Variants in IDH2 observed in about 807,000 individuals in gnomAD.
IDH2 encodes isocitrate dehydrogenase [NADP], mitochondrial.
Under a neutral mutation model 50.5 loss-of-function variants are expected in IDH2, and 18 were observed. The observed-to-expected ratio is 0.36, with a 90% confidence interval of 0.25 to 0.53. The LOEUF (loss-of-function observed/expected upper bound fraction) is 0.53, where lower values mean the gene tolerates loss of function less well. IDH2 is among the 20% of genes least tolerant of loss of function. The pLI, the probability that IDH2 is intolerant of heterozygous loss-of-function variation, is 0.92. For missense variants in IDH2, 518 were observed against 610.7 expected (o/e 0.85, Z 1.60); for synonymous variants, 280 against 239.8 (o/e 1.17, Z -1.55).
At chr15:90,092,575 T>C (rs1901071340) in intron 1 of IDH2, among the ~76,000 whole-genome samples, 1 of 138,030 alleles carries the variant, frequency 7.2e-6, no homozygotes, top group African/African-American at 3.4e-5. Flanking sequence ...CCAGCTATTT[T>C]TAATTTTTTT....
At chr15:90,092,549 G>A (rs2151552382) in intron 1 of IDH2, among the ~76,000 whole-genome samples, 1 of 152,010 alleles carries the variant, frequency 6.6e-6, no homozygotes, top group East Asian at 1.9e-4. Flanking sequence ...GGGACTACAG[G>A]CGCATGCCAC....
rs1468183926 is a variant in IDH2 at position 90,087,236 on chromosome 15, A to G, written c.843T>C (p.Asn281=). Residue 281 remains asparagine, a synonymous_variant, in exon 7 of 11, where the codon AAT becomes AAC. Transcript: ENST00000330062. ...DKHYKTDFDK[N]KIWYEHRLID... is the part of the protein sequence containing the mutation. Reference sequence around the variant, plus strand: ...TGAGCCGGTGCTCATACCAGATCTTATTCTTGTCGAAGTCGGTCTTATAGT... The same window carrying G: ...TGAGCCGGTGCTCATACCAGATCTTGTTCTTGTCGAAGTCGGTCTTATAGT... The G allele has an allele frequency of 6.2e-7, 1 of 1,614,026 alleles. No homozygotes were observed. Among genetic ancestry groups the G allele is most frequent in the African/African-American group, 1.3e-5 (1 of 74,924 alleles).
chr15:90,088,003 G>A lies in IDH2; in HGVS notation c.678+356C>T, dbSNP rs368900250. ...TCATGTGACTCAGCCTGGCATTGGA[G>A]CTGGAACTGGGGATAAAGAGGCATT... On this transcript the variant is annotated intron_variant, in intron 5 of 10. Transcript: ENST00000330062. 5.9e-5 allele frequency among the ~76,000 whole-genome samples: 9 copies of A among 152,120 alleles called. No homozygotes were observed. In the East Asian group the frequency reaches 9.6e-4, roughly 16 times the overall value.
Position 90,083,814 on chromosome 15 carries a change from C to A in IDH2, c.*452G>T, listed in dbSNP as rs1439065417. 1.1e-5 allele frequency: 3 copies of A among 267,314 alleles called. No homozygotes were observed. Among genetic ancestry groups the A allele is most frequent in the Admixed American group, 4.9e-5 (1 of 20,540 alleles). The allele number at this position is 267,314 out of a possible 1,614,324, so 16.6% of individuals were successfully genotyped here. On this transcript the variant is annotated 3_prime_UTR_variant, in exon 11 of 11. Transcript: ENST00000330062. Reference sequence around the variant, plus strand: ...GAGTGTCCGAGAACTCCGCAGTGGGCCCCTGTGGAATGCGGGCTCCCAGGG... The same window carrying A: ...GAGTGTCCGAGAACTCCGCAGTGGGACCCTGTGGAATGCGGGCTCCCAGGG...
chr15:90,091,522 G>T (rs1179532022), intron 2 of IDH2, 31 bp downstream of exon 2: 12 of 1,562,910 alleles, frequency 7.7e-6, no homozygotes, highest in South Asian at 1.1e-5. Flanking sequence ...AGCCCACCTG[G>T]AGAGCCACCC....
At chr15:90,097,636 AAAGTAAAAAGGTGG>A (rs1177625793) in intron 1 of IDH2, among the ~76,000 whole-genome samples, 8 of 152,036 alleles carry the variant, frequency 5.3e-5, no homozygotes, top group Admixed American at 5.3e-4. Context: ...ATAGAAACAG[AAAGTAAAAAGGTGG>A]CTGCCAGGGA....
At chr15:90,096,655 C>T (rs1901188395) in intron 1 of IDH2, among the ~76,000 whole-genome samples, 1 of 152,122 alleles carries the variant, frequency 6.6e-6, no homozygotes, top group Admixed American at 6.5e-5. Context: ...TGGCTCGCAC[C>T]TGTAATCCCA....
chr15:90,085,236 G>A lies in IDH2; in HGVS notation c.1080+39C>T, dbSNP rs548976610. On this transcript the variant is annotated intron_variant, in intron 8 of 10. Transcript: ENST00000330062. The surrounding 1 kb of genome is among the most constrained non-coding windows in gnomAD (Gnocchi z 5.5). ...AGCCCAGTGGGCTTTAGGCCCCTGGGGTAGAGGGGCATTGTGAGGCCCCAT... is the reference window on the plus strand; with the variant it reads ...AGCCCAGTGGGCTTTAGGCCCCTGGAGTAGAGGGGCATTGTGAGGCCCCAT... The A allele has an allele frequency of 9.4e-5, 143 of 1,515,156 alleles. No individual in the cohort carries two copies. In the South Asian group the frequency reaches 1.5e-3, roughly 16 times the overall value. The allele number at this position is 1,515,156 out of a possible 1,614,324, so 93.9% of individuals were successfully genotyped here.
At position 90,084,150 on chromosome 15, in the gene IDH2, AC is replaced by A. The variant is rs780288726; in HGVS notation, c.*115del. The A allele has an allele frequency of 6.3e-5, 48 of 759,208 alleles. No homozygotes were observed. The highest frequency in any genetic ancestry group is 1.1e-4 in the Admixed American group (5 of 46,206). The allele number at this position is 759,208 out of a possible 1,614,324, so 47.0% of individuals were successfully genotyped here. On this transcript the variant is annotated 3_prime_UTR_variant, in exon 11 of 11. Transcript: ENST00000330062. The surrounding 1 kb of genome is among the most constrained non-coding windows in gnomAD (Gnocchi z 5.0). The stretch of plus-strand genomic sequence containing the variant: ...TTAAAAACATCTGGCTTATAAAAAA[AC>A]ATCCCCTAGAAAGGCCTCCAGAGAG...
intron 1 of IDH2, among the ~76,000 whole-genome samples, chr15:90,099,451 C>T (rs1335434157): frequency 6.6e-6 from 1 of 152,174 alleles, no homozygotes; most frequent in Non-Finnish European, 1.5e-5. Flanking sequence ...TTGCCTGTTT[C>T]TCCTTAGCTC....
At chr15:90,087,777 G>T in intron 5 of IDH2, among the ~76,000 whole-genome samples, 1 of 130,052 alleles carries the variant, frequency 7.7e-6, no homozygotes, top group African/African-American at 3.0e-5. Context: ...GTAAAACACC[G>T]CCTTTTTTTT....
intron 3 of IDH2, 49 bp downstream of exon 3, chr15:90,090,430 G>A (rs773502456): frequency 2.5e-6 from 4 of 1,601,302 alleles, no homozygotes; most frequent in South Asian, 2.2e-5. Flanking sequence ...GAGGCCGGTG[G>A]GAGAAGCCTG....
At chr15:90,090,842 G>A (rs1054311960) in intron 2 of IDH2, among the ~76,000 whole-genome samples, 198 bp from the exon 3 acceptor site, 1 of 152,202 alleles carries the variant, frequency 6.6e-6, no homozygotes, top group African/African-American at 2.4e-5. Context: ...GGCAGAGGCT[G>A]GGGCTTTGGA....
At chr15:90,096,906 A>G (rs1480796712) in intron 1 of IDH2, among the ~76,000 whole-genome samples, 1 of 151,302 alleles carries the variant, frequency 6.6e-6, no homozygotes, top group Admixed American at 6.6e-5. Flanking sequence ...AGAGAGCAAG[A>G]CTCCGTCTCG....
Position 90,084,934 on chromosome 15 carries a change from C to T in IDH2, c.1179-26G>A, listed in dbSNP as rs372923849. 19 of 1,612,694 alleles carry T rather than the reference C, an allele frequency of 1.2e-5. No individual in the cohort carries two copies. Among genetic ancestry groups the T allele is most frequent in the Non-Finnish European group, 1.5e-5 (18 of 1,178,978 alleles). ...CTATGGGGATGGGGCAGAATGAGAC[C>T]CCATCTGTGCAAGGGCAGGACCCAG... On this transcript the variant is annotated intron_variant, in intron 9 of 10. Coordinates refer to ENST00000330062, the MANE Select transcript of IDH2 (RefSeq NM_002168.4). The surrounding 1 kb of genome is among the most constrained non-coding windows in gnomAD (Gnocchi z 5.0).
chr15:90,095,692 T>G (rs1238974088), intron 1 of IDH2, among the ~76,000 whole-genome samples: 3 of 152,140 alleles, frequency 2.0e-5, no homozygotes, highest in African/African-American at 7.2e-5. Context: ...ACTAAGCACT[T>G]ATCCAGTACC....
chr15:90,091,445 A>G (rs1901032851), intron 2 of IDH2, 108 bp downstream of exon 2: 11 of 772,454 alleles, frequency 1.4e-5, no homozygotes, highest in South Asian at 6.8e-5. Context: ...GCTGCCTACC[A>G]GGACAACGGG....
At position 90,087,239 on chromosome 15, in the gene IDH2, C is replaced by G. The variant is rs1239921972; in HGVS notation, c.840G>C (p.Lys280Asn). 6.2e-7 allele frequency: 1 copy of G among 1,614,176 alleles called. No homozygotes were observed. The highest frequency in any genetic ancestry group is 1.7e-5 in the Admixed American group (1 of 60,012). The change falls in exon 7 of 11, where the codon AAG (lysine) becomes AAC (asparagine). Residue 280 changes from lysine (K) to asparagine (N), a missense_variant. This residue lies in a region of IDH2 where 207 missense variants were observed against 208.6 expected (regional missense o/e 0.99). Coordinates refer to ENST00000330062, the MANE Select transcript of IDH2 (RefSeq NM_002168.4). The stretch of plus-strand genomic sequence containing the variant: ...GCCGGTGCTCATACCAGATCTTATT[C>G]TTGTCGAAGTCGGTCTTATAGTGCC... ...FDKHYKTDFD[K>N]NKIWYEHRLI... is the part of the protein sequence containing the mutation.
Position 90,098,523 on chromosome 15 carries a change from TATGC to T in IDH2, c.115+3749_115+3752del, listed in dbSNP as rs1431074461. ...TATTTTATGTATGTATGTATGTATG[TATGC>T]ATGCATGTATGTATGTATGTATGTA... On this transcript the variant is annotated intron_variant, in intron 1 of 10. Coordinates refer to ENST00000330062, the MANE Select transcript of IDH2 (RefSeq NM_002168.4). The surrounding 1 kb of genome is among the most constrained non-coding windows in gnomAD (Gnocchi z 5.1). Among the ~76,000 whole-genome samples, 25 of 90,230 alleles carry T rather than the reference TATGC, an allele frequency of 2.8e-4. No homozygotes were observed. Among genetic ancestry groups the T allele is most frequent in the Middle Eastern group, 6.7e-3 (1 of 150 alleles). The allele number at this position is 90,230 out of a possible 152,430, so 59.2% of individuals were successfully genotyped here.
Sources: gnomAD v4.1 joint callset for allele counts (sites outside exome capture counted in the v4.1 genomes callset) on GRCh38, gnomAD v4.1.1 for gene constraint, gnomAD v4.1.1 regional missense constraint, Gnocchi (gnomAD v3.1) non-coding constraint, MANE v1.5 for transcripts, NCBI Gene and HGNC (gene_info 2026-07-23, HGNC 2026-07-21) for gene names.